SKIC3: variants seen among roughly 807,000 people sequenced by gnomAD.
The protein encoded by SKIC3 is SKI3 subunit of superkiller complex.
At chr5:95,517,032 A>C in the SKIC3 span, 1 of 1,613,662 alleles carries the variant, frequency 6.2e-7, no homozygotes, top group Non-Finnish European at 8.5e-7. Context: ...TTAGATGTAG[A>C]CATCAGTTTT....
the SKIC3 span, among the ~76,000 whole-genome samples, chr5:95,551,443 C>T: frequency 2.0e-5 from 3 of 152,002 alleles, no homozygotes; most frequent in African/African-American, 7.3e-5. Context: ...TAGTGATCTA[C>T]CGAAATAGAA....
chr5:95,471,106 A>G, the SKIC3 span, among the ~76,000 whole-genome samples: 2 of 152,198 alleles, frequency 1.3e-5, no homozygotes. Flanking sequence ...GGAAGCTATA[A>G]TGAATGTGAA....
At chr5:95,479,807 C>T in the SKIC3 span, among the ~76,000 whole-genome samples, 1 of 151,468 alleles carries the variant, frequency 6.6e-6, no homozygotes, top group African/African-American at 2.4e-5. Context: ...TTTGGAAATG[C>T]AAAAGACCTA....
At chr5:95,516,392 G>A in the SKIC3 span, 3 of 1,613,012 alleles carry the variant, frequency 1.9e-6, no homozygotes, top group South Asian at 2.2e-5. Flanking sequence ...CTCCCAAGTT[G>A]GTCCATGCAA....
At chr5:95,544,280 G>A in the SKIC3 span, among the ~76,000 whole-genome samples, 1 of 152,244 alleles carries the variant, frequency 6.6e-6, no homozygotes, top group South Asian at 2.1e-4. Context: ...CGGCTGCTGA[G>A]AGGGCCTGCT....
At chr5:95,550,814 A>G in the SKIC3 span, 1 of 152,252 alleles carries the variant, frequency 6.6e-6, no homozygotes, top group Non-Finnish European at 1.5e-5. Flanking sequence ...TCCCAGAGAG[A>G]CACTATTCTT....
At chr5:95,501,596 A>G in the SKIC3 span, among the ~76,000 whole-genome samples, 2 of 152,170 alleles carry the variant, frequency 1.3e-5, no homozygotes, top group East Asian at 1.9e-4. Context: ...AAAAACAAAG[A>G]AAGAAACATA....
the SKIC3 span, chr5:95,469,959 T>C: frequency 2.5e-6 from 4 of 1,598,080 alleles, no homozygotes; most frequent in African/African-American, 2.7e-5. Flanking sequence ...GCATATTTAT[T>C]TGAAAAGTAT....
chr5:95,530,093 T>C, the SKIC3 span: 2 of 1,613,130 alleles, frequency 1.2e-6, no homozygotes, highest in Non-Finnish European at 1.7e-6. Flanking sequence ...ATTTACCTTC[T>C]GTTAGGTTCC....
At chr5:95,503,371 T>C in the SKIC3 span, among the ~76,000 whole-genome samples, 493 of 152,288 alleles carry the variant, frequency 3.2e-3, 2 homozygotes, top group Non-Finnish European at 5.5e-3. Flanking sequence ...CAGTAGATAT[T>C]TCAATGCTCT....
chr5:95,510,248 A>C, the SKIC3 span, among the ~76,000 whole-genome samples: 1 of 152,224 alleles, frequency 6.6e-6, no homozygotes, highest in Non-Finnish European at 1.5e-5. Flanking sequence ...ACCTAACTCC[A>C]TCTTGCTTCT....
the SKIC3 span, chr5:95,512,878 G>A: frequency 2.4e-6 from 1 of 411,888 alleles, no homozygotes. Flanking sequence ...TGATGGGCTG[G>A]CTTTCCCTTC....
chr5:95,553,623 G>A, the SKIC3 span, among the ~76,000 whole-genome samples: 1 of 151,864 alleles, frequency 6.6e-6, no homozygotes, highest in Non-Finnish European at 1.5e-5. Flanking sequence ...GCAAAGGTGC[G>A]ATCTCAGCTC....
chr5:95,492,652 G>GAAAAAAAAA, the SKIC3 span, among the ~76,000 whole-genome samples: 454 of 48,766 alleles, frequency 9.3e-3, 128 homozygotes, highest in Non-Finnish European at 0.012. Flanking sequence ...AAAAAAAAAA[G>GAAAAAAAAA]AAAAAAAAAA....
chr5:95,497,280 A>T, the SKIC3 span: 1 of 851,358 alleles, frequency 1.2e-6, no homozygotes, highest in Non-Finnish European at 1.9e-6. Flanking sequence ...GACTAATGGA[A>T]AATTTAGTTA....
the SKIC3 span, among the ~76,000 whole-genome samples, chr5:95,492,635 T>G: frequency 6.1e-5 from 1 of 16,440 alleles, no homozygotes; most frequent in Non-Finnish European, 1.6e-4. Context: ...AGACTCCGTC[T>G]CAAAAAAAAA....
At chr5:95,522,396 C>CAT in the SKIC3 span, 1 of 1,477,056 alleles carries the variant, frequency 6.8e-7, no homozygotes, top group East Asian at 2.5e-5. Flanking sequence ...TTCAAGTAAA[C>CAT]ATATATATCT....
At chr5:95,541,145 T>C in the SKIC3 span, among the ~76,000 whole-genome samples, 1 of 152,084 alleles carries the variant, frequency 6.6e-6, no homozygotes, top group Non-Finnish European at 1.5e-5. Flanking sequence ...TTTGTATTTT[T>C]AGTAGAGACA....
At chr5:95,472,622 A>T in the SKIC3 span, among the ~76,000 whole-genome samples, 1 of 145,468 alleles carries the variant, frequency 6.9e-6, no homozygotes, top group Admixed American at 6.9e-5. Context: ...CTCTAACTCC[A>T]CTCTCCTGAT....
Sources: gnomAD v4.1 joint callset for allele counts (sites outside exome capture counted in the v4.1 genomes callset) on GRCh38, gnomAD v4.1.1 for gene constraint, MANE v1.5 for transcripts, NCBI Gene and HGNC (gene_info 2026-07-23, HGNC 2026-07-21) for gene names.